The following CHRM2 variants were observed in gnomAD, a reference collection of about 807,000 sequenced individuals.
CHRM2 encodes cholinergic receptor muscarinic 2.
A neutral mutation model predicts 25.0 loss-of-function variants in CHRM2; 8 were observed. The observed-to-expected ratio is 0.32, with a 90% CI of 0.19 to 0.58. The LOEUF (loss-of-function observed/expected upper bound fraction) is 0.58. CHRM2 is among the 20% of genes least tolerant of loss of function. The pLI is 0.88. For synonymous variants in CHRM2, 202 were observed against 205.7 expected, an observed-to-expected ratio of 0.98 and a Z score of 0.15; for missense variants, 440 against 567.1, an observed-to-expected ratio of 0.78 and a Z score of 2.28.
intron 3 of CHRM2, among the ~76,000 whole-genome samples, chr7:137,013,566 T>G (rs1245604302): frequency 6.6e-6 from 1 of 151,992 alleles, no homozygotes; most frequent in African/African-American, 2.4e-5. Flanking sequence ...CAGATGCTGT[T>G]TCTCCAGAAA....
intron 2 of CHRM2, among the ~76,000 whole-genome samples, chr7:136,926,315 A>G (rs1273521093): frequency 1.3e-5 from 2 of 152,162 alleles, no homozygotes; most frequent in African/African-American, 4.8e-5. Context: ...TCTAACTCAA[A>G]TTAATTTAGT....
At chr7:136,970,640 T>C (rs924488203) in intron 2 of CHRM2, among the ~76,000 whole-genome samples, 1 of 152,152 alleles carries the variant, frequency 6.6e-6, no homozygotes, top group Non-Finnish European at 1.5e-5. Context: ...AGTTCATTCA[T>C]GCAACAACAT....
At chr7:136,888,547 G>T (rs1796561910) in intron 2 of CHRM2, among the ~76,000 whole-genome samples, 1 of 152,066 alleles carries the variant, frequency 6.6e-6, no homozygotes, top group Non-Finnish European at 1.5e-5. Context: ...TGGGCAAAAG[G>T]TCTCTGTGGT....
chr7:136,942,384 C>T (rs1799824697), intron 2 of CHRM2, among the ~76,000 whole-genome samples: 1 of 152,124 alleles, frequency 6.6e-6, no homozygotes, highest in Non-Finnish European at 1.5e-5. Flanking sequence ...CTCCTCCTTC[C>T]CTTAGGAAGT....
At chr7:136,992,808 T>C (rs183408572) in intron 3 of CHRM2, among the ~76,000 whole-genome samples, 1 of 152,266 alleles carries the variant, frequency 6.6e-6, no homozygotes, top group Non-Finnish European at 1.5e-5. Flanking sequence ...CTGGCAATTC[T>C]GAAATCATTA....
chr7:136,996,439 C>T (rs925487379), intron 3 of CHRM2, among the ~76,000 whole-genome samples: 39 of 152,096 alleles, frequency 2.6e-4, no homozygotes, highest in South Asian at 1.7e-3. Context: ...ATTCACAAAG[C>T]TTTTTAGTAA....
intron 2 of CHRM2, chr7:136,914,339 C>A (rs1345797746): frequency 6.6e-6 from 1 of 151,914 alleles, no homozygotes; most frequent in African/African-American, 2.4e-5. Context: ...TTCTTTATTG[C>A]ATATGATAGT....
chr7:136,980,566 T>A (rs910981724), intron 2 of CHRM2, among the ~76,000 whole-genome samples: 1 of 152,188 alleles, frequency 6.6e-6, no homozygotes, highest in East Asian at 1.9e-4. Flanking sequence ...TTCAGTATGA[T>A]ATTAGCTGTG....
chr7:136,947,248 C>A (rs1283909967), intron 2 of CHRM2, among the ~76,000 whole-genome samples: 1 of 151,686 alleles, frequency 6.6e-6, no homozygotes, highest in African/African-American at 2.4e-5. Context: ...GGGAAAGTAG[C>A]AGAGAAAGGA....
intron 2 of CHRM2, among the ~76,000 whole-genome samples, chr7:136,897,429 C>T (rs1024480826): frequency 2.0e-5 from 3 of 152,048 alleles, no homozygotes; most frequent in African/African-American, 4.8e-5. Flanking sequence ...CACACTTGTT[C>T]CCATCACAAT....
chr7:136,962,419 G>T (rs1328691289), intron 2 of CHRM2, among the ~76,000 whole-genome samples: 1 of 152,170 alleles, frequency 6.6e-6, no homozygotes, highest in Non-Finnish European at 1.5e-5. Context: ...ACAGGTGTAA[G>T]CCACTGCGCC....
At chr7:136,892,671 C>CTT (rs5887814) in intron 2 of CHRM2, among the ~76,000 whole-genome samples, 4,539 of 140,242 alleles carry the variant, frequency 0.032, 122 homozygotes, top group African/African-American at 0.064. Flanking sequence ...ATTAAAAGTT[C>CTT]TTTTTTTTTT....
At chr7:136,905,270 C>A (rs183593781) in intron 2 of CHRM2, among the ~76,000 whole-genome samples, 1 of 151,756 alleles carries the variant, frequency 6.6e-6, no homozygotes, top group African/African-American at 2.4e-5. Flanking sequence ...AGATCATTTT[C>A]TTTGTTGAAA....
At chr7:136,881,347 C>A (rs1481401533) in intron 2 of CHRM2, among the ~76,000 whole-genome samples, 1 of 151,714 alleles carries the variant, frequency 6.6e-6, no homozygotes, top group African/African-American at 2.4e-5. Flanking sequence ...TTCTTTTTAG[C>A]ACTGAATGAC....
chr7:137,009,157 G>A (rs1295360429), intron 3 of CHRM2, among the ~76,000 whole-genome samples: 2 of 151,990 alleles, frequency 1.3e-5, no homozygotes, highest in African/African-American at 4.8e-5. Flanking sequence ...CATACATCAG[G>A]CATCCTGCCT....
chr7:136,983,707 G>T, intron 2 of CHRM2, among the ~76,000 whole-genome samples: 1 of 152,244 alleles, frequency 6.6e-6, no homozygotes, highest in South Asian at 2.1e-4. Flanking sequence ...CTGCATGTCC[G>T]CTGGAGTTTG....
chr7:136,956,243 G>A (rs1384980698), intron 2 of CHRM2, among the ~76,000 whole-genome samples: 1 of 152,168 alleles, frequency 6.6e-6, no homozygotes, highest in Non-Finnish European at 1.5e-5. Context: ...ATAAAATATG[G>A]ACTTTATGAG....
At chr7:136,989,782 A>G (rs1006302762) in intron 2 of CHRM2, among the ~76,000 whole-genome samples, 1 of 152,084 alleles carries the variant, frequency 6.6e-6, no homozygotes, top group African/African-American at 2.4e-5. Context: ...CTTCACAACT[A>G]TTTCAGAAAT....
At chr7:136,904,163 T>A (rs1797401213) in intron 2 of CHRM2, among the ~76,000 whole-genome samples, 1 of 151,948 alleles carries the variant, frequency 6.6e-6, no homozygotes, top group Admixed American at 6.6e-5. Context: ...CACTTGATTA[T>A]ATAAAACCAA....
Sources: gnomAD v4.1 joint callset for allele counts (sites outside exome capture counted in the v4.1 genomes callset) on GRCh38, gnomAD v4.1.1 for gene constraint, MANE v1.5 for transcripts, NCBI Gene and HGNC (gene_info 2026-07-23, HGNC 2026-07-21) for gene names.